Variants in FOCAD observed in about 807,000 individuals in gnomAD.
The protein encoded by FOCAD is focadhesin.
Under a neutral mutation model 225.6 loss-of-function variants are expected in FOCAD, and 198 were observed. That is an observed-to-expected ratio of 0.88 (90% CI 0.78 to 0.99). The LOEUF is 0.99. FOCAD is among the 50% of genes least tolerant of loss of function. The pLI is 0.00. For synonymous variants in FOCAD, 897 were observed against 755.0 expected (o/e 1.19, Z -3.08); for missense variants, 2,713 against 2,123.6 (o/e 1.28, Z -5.46).
intron 6 of FOCAD, among the ~76,000 whole-genome samples, chr9:20,760,628 C>T (rs1234158188): frequency 6.6e-6 from 1 of 151,756 alleles, no homozygotes; most frequent in Admixed American, 6.6e-5. Flanking sequence ...ATTTTTTTTG[C>T]CCTAGGGTCT....
chr9:20,861,613 CCTT>C (rs1324887061), intron 15 of FOCAD, among the ~76,000 whole-genome samples: 2 of 152,154 alleles, frequency 1.3e-5, no homozygotes, highest in African/African-American at 4.8e-5. Context: ...TAATCTGTCT[CCTT>C]AAGTATATAT....
At chr9:20,659,525 T>C (rs1252334010) in intron 2 of FOCAD, among the ~76,000 whole-genome samples, 1 of 151,544 alleles carries the variant, frequency 6.6e-6, no homozygotes, top group Non-Finnish European at 1.5e-5. Flanking sequence ...TGTATGCACA[T>C]AGAGGAAAGA....
intron 11 of FOCAD, among the ~76,000 whole-genome samples, chr9:20,798,723 T>C (rs1821424677): frequency 6.6e-6 from 1 of 152,200 alleles, no homozygotes; most frequent in South Asian, 2.1e-4. Flanking sequence ...TTGCATCTAT[T>C]TGATTCTTCT....
chr9:20,788,693 A>T (rs1470884651), intron 10 of FOCAD, among the ~76,000 whole-genome samples: 1 of 152,204 alleles, frequency 6.6e-6, no homozygotes, highest in African/African-American at 2.4e-5. Flanking sequence ...GTTTATTTAC[A>T]GAGCTCACCT....
intron 35 of FOCAD, among the ~76,000 whole-genome samples, chr9:20,956,486 T>A (rs558268379): frequency 5.9e-5 from 9 of 152,330 alleles, no homozygotes; most frequent in African/African-American, 2.2e-4. Context: ...TCCTTCATAA[T>A]GTCCTCCTAT....
chr9:20,982,729 G>T (rs1446398031), intron 39 of FOCAD, among the ~76,000 whole-genome samples: 1 of 152,164 alleles, frequency 6.6e-6, no homozygotes, highest in African/African-American at 2.4e-5. Context: ...TGAAGAAGGT[G>T]GTTGATTGAA....
chr9:20,862,986 T>C (rs1446356723), intron 16 of FOCAD: 1 of 245,028 alleles, frequency 4.1e-6, no homozygotes, highest in East Asian at 8.0e-5. Context: ...AATAATAGAA[T>C]TCATAAAGCC....
intron 25 of FOCAD, among the ~76,000 whole-genome samples, chr9:20,925,187 T>C (rs1587628156): frequency 6.6e-6 from 1 of 152,218 alleles, no homozygotes; most frequent in Non-Finnish European, 1.5e-5. Context: ...GGAAATTTTA[T>C]AGAGAGGAAA....
At chr9:20,714,604 TTGCCTGCCTGCCTGCC>T (rs199729075) in intron 1 of FOCAD, among the ~76,000 whole-genome samples, 6 of 59,340 alleles carry the variant, frequency 1.0e-4, no homozygotes, top group African/African-American at 3.6e-4. Context: ...TTTTGCATGC[TTGCCTGCCTGCCTGCC>T]TGCCTGCCTG....
intron 43 of FOCAD, among the ~76,000 whole-genome samples, chr9:20,993,564 C>T (rs996222038): frequency 6.6e-6 from 1 of 152,138 alleles, no homozygotes; most frequent in Admixed American, 6.5e-5. Flanking sequence ...TTCATACATA[C>T]CTTACATACA....
intron 15 of FOCAD, among the ~76,000 whole-genome samples, chr9:20,843,414 A>T (rs1428387273): frequency 1.3e-5 from 2 of 152,024 alleles, no homozygotes; most frequent in Non-Finnish European, 2.9e-5. Context: ...CAGCACTTTA[A>T]ATATGTCATG....
intron 11 of FOCAD, among the ~76,000 whole-genome samples, chr9:20,798,031 A>C (rs1245155809): frequency 6.6e-6 from 1 of 152,082 alleles, no homozygotes; most frequent in African/African-American, 2.4e-5. Context: ...ATGAATACCT[A>C]ATTTATTGAG....
In FOCAD at chr9:20,965,579, T is replaced by C. The variant is rs536839812; in HGVS notation, c.4133-10841T>C. Among the ~76,000 whole-genome samples the C allele has an allele frequency of 3.3e-5, 5 of 152,316 alleles. No homozygotes were observed. In the East Asian group the frequency reaches 9.6e-4, roughly 29 times the overall value. On this transcript the variant is annotated intron_variant, in intron 35 of 43. Transcript: ENST00000338382. ...ATGCCATTTTAACCATTTGAAAGTT[T>C]TCTGTGGCATTTAGTGCATTTACAA...
intron 11 of FOCAD, among the ~76,000 whole-genome samples, chr9:20,815,137 G>GTTTTTTTTTTTTTTTTTTTTTTTT (rs71334555): frequency 5.2e-4 from 36 of 69,144 alleles, no homozygotes; most frequent in South Asian, 5.8e-4. Flanking sequence ...TTTTTTTTTT[G>GTTTTTTTTTTTTTTTTTTTTTTTT]TTTTTTTTTT....
rs374246857 is a variant in FOCAD, at chr9:20,701,765, G to T, written c.-32-13557G>T. ...ACAATTTTTATGTTTTGTGCTCTGG[G>T]CAAGGAGTAATCCTTTAATATGTAA... On this transcript the variant is annotated intron_variant, in intron 1 of 43. Coordinates refer to ENST00000338382, the MANE Select transcript of FOCAD (RefSeq NM_001375567.1). 1.7e-3 allele frequency among the ~76,000 whole-genome samples: 254 copies of T among 152,312 alleles called. 8 individuals are homozygous for T. In the South Asian group the frequency reaches 0.051, roughly 30 times the overall value.
chr9:20,748,459 A>G (rs1320717496), intron 5 of FOCAD, among the ~76,000 whole-genome samples: 1 of 152,010 alleles, frequency 6.6e-6, no homozygotes, highest in Non-Finnish European at 1.5e-5. Context: ...AAAGTTTTGG[A>G]CTTTCTCCTA....
upstream of FOCAD, chr9:20,684,174 G>C (rs1432806495): frequency 6.6e-6 from 1 of 152,220 alleles, no homozygotes; most frequent in Non-Finnish European, 1.5e-5. Flanking sequence ...AGGCGGAACA[G>C]GGCCTCGCGA....
At chr9:20,810,269 C>G (rs1432058128) in intron 11 of FOCAD, among the ~76,000 whole-genome samples, 1 of 152,120 alleles carries the variant, frequency 6.6e-6, no homozygotes, top group Non-Finnish European at 1.5e-5. Context: ...AATATTGAAT[C>G]TATCTAGCTT....
chr9:20,953,199 C>A, intron 35 of FOCAD, 134 bp downstream of exon 35: 1 of 658,462 alleles, frequency 1.5e-6, no homozygotes, highest in Middle Eastern at 3.4e-4. Flanking sequence ...TCTGCTAAAC[C>A]ATCTTTGCAA....
Sources: allele counts gnomAD v4.1 joint callset (sites outside exome capture counted in the v4.1 genomes callset), GRCh38; gene constraint gnomAD v4.1.1; transcripts MANE v1.5; gene names NCBI Gene and HGNC (gene_info 2026-07-23, HGNC 2026-07-21).